The following SPAG16 variants were observed in gnomAD, a reference collection of about 807,000 sequenced individuals.
SPAG16 encodes sperm associated antigen 16.
In SPAG16, 86 loss-of-function variants were observed where a neutral mutation model predicts 80.4. The ratio of observed to expected loss-of-function variants is 1.07; its 90% CI spans 0.90 to 1.28. The LOEUF is 1.28. Among genes scored for constraint, SPAG16 ranks in the 50% most tolerant of loss-of-function variants. The pLI, the probability that SPAG16 is intolerant of heterozygous loss-of-function variation, is 0.00. For synonymous variants in SPAG16, 294 were observed against 265.9 expected (o/e 1.11, Z -1.03); for missense variants, 870 against 765.3 (o/e 1.14, Z -1.61).
chr2:213,957,840 C>T (rs1218073308), intron 12 of SPAG16, among the ~76,000 whole-genome samples: 2 of 152,108 alleles, frequency 1.3e-5, no homozygotes, highest in African/African-American at 4.8e-5. Context: ...ACCAGCTTAA[C>T]TTCTGTTGTG....
intron 10 of SPAG16, among the ~76,000 whole-genome samples, chr2:213,682,311 C>G (rs758539425): frequency 2.0e-5 from 3 of 152,166 alleles, no homozygotes; most frequent in Non-Finnish European, 4.4e-5. Context: ...CAGATCATAA[C>G]CCCCTGGAGG....
At chr2:213,473,397 T>C (rs2073192171) in intron 9 of SPAG16, among the ~76,000 whole-genome samples, 1 of 152,166 alleles carries the variant, frequency 6.6e-6, no homozygotes, top group African/African-American at 2.4e-5. Flanking sequence ...AGAAGAGCAA[T>C]TACAGGGCTC....
At chr2:213,834,056 T>G (rs1049971552) in intron 10 of SPAG16, among the ~76,000 whole-genome samples, 1 of 152,118 alleles carries the variant, frequency 6.6e-6, no homozygotes, top group Non-Finnish European at 1.5e-5. Flanking sequence ...TGAATAAGTC[T>G]CATGAGCTCT....
chr2:213,691,835 A>G (rs1263887611), intron 10 of SPAG16, among the ~76,000 whole-genome samples: 15 of 152,234 alleles, frequency 9.9e-5, no homozygotes, highest in Admixed American at 9.8e-4. Context: ...GCTCTCTGAT[A>G]TATCTCAGTT....
At chr2:213,469,847 G>T (rs778406907) in intron 9 of SPAG16, among the ~76,000 whole-genome samples, 4 of 152,094 alleles carry the variant, frequency 2.6e-5, no homozygotes, top group Non-Finnish European at 5.9e-5. Flanking sequence ...TTAACCTGTT[G>T]TCTTAAAGGT....
intron 9 of SPAG16, among the ~76,000 whole-genome samples, chr2:213,446,274 G>T (rs544687710): frequency 6.6e-6 from 1 of 152,330 alleles, no homozygotes; most frequent in South Asian, 2.1e-4. Flanking sequence ...ACAGACATTG[G>T]TTCAGAATCT....
At chr2:213,462,604 A>C (rs1242753538) in intron 9 of SPAG16, among the ~76,000 whole-genome samples, 1 of 152,084 alleles carries the variant, frequency 6.6e-6, no homozygotes, top group Non-Finnish European at 1.5e-5. Context: ...CTTAATAGTG[A>C]GTCTCACGAG....
At chr2:214,035,052 C>T (rs1035339093) in intron 13 of SPAG16, among the ~76,000 whole-genome samples, 6 of 152,110 alleles carry the variant, frequency 3.9e-5, no homozygotes, top group Admixed American at 6.5e-5. Context: ...AGAGGAGACA[C>T]GCAGTGGATA....
chr2:213,292,092 C>A (rs1377651111), intron 1 of SPAG16, among the ~76,000 whole-genome samples: 1 of 152,042 alleles, frequency 6.6e-6, no homozygotes, highest in East Asian at 1.9e-4. Context: ...TTTTTTTCTA[C>A]TCTATATTGC....
chr2:214,009,553 T>C (rs1443031967), intron 12 of SPAG16, among the ~76,000 whole-genome samples: 1 of 152,174 alleles, frequency 6.6e-6, no homozygotes, highest in Non-Finnish European at 1.5e-5. Context: ...AAGCCATTTT[T>C]ATTGTTAGAT....
chr2:214,108,341 A>G lies in SPAG16; in HGVS notation c.1593+80A>G, dbSNP rs1284498492. 14 of 1,203,926 alleles carry G rather than the reference A, an allele frequency of 1.2e-5. No homozygotes were observed. In the Middle Eastern group the frequency reaches 2.0e-3, roughly 169 times the overall value. The allele number at this position is 1,203,926 out of a possible 1,614,324, so 74.6% of individuals were successfully genotyped here. Reference sequence around the variant, plus strand: ...TTTTTATAAAACAAATTTCCAAGCTAAAATGGTAAGTTAATGAGGTGAGAA... The same window carrying G: ...TTTTTATAAAACAAATTTCCAAGCTGAAATGGTAAGTTAATGAGGTGAGAA... On this transcript the variant is annotated intron_variant, in intron 14 of 15. Transcript: ENST00000331683.
At chr2:213,853,877 T>C (rs6740147) in intron 10 of SPAG16, among the ~76,000 whole-genome samples, 53,726 of 152,016 alleles carry the variant, frequency 0.35, 9,808 homozygotes, top group South Asian at 0.47. Context: ...GACCTATTTG[T>C]GGACAAAGCT....
At chr2:214,361,186 A>G (rs1699158413) in intron 15 of SPAG16, among the ~76,000 whole-genome samples, 1 of 151,850 alleles carries the variant, frequency 6.6e-6, no homozygotes, top group Non-Finnish European at 1.5e-5. Context: ...GAAGTCCAAA[A>G]TGGCATATAT....
At chr2:213,541,939 TA>T (rs2076461984) in intron 10 of SPAG16, among the ~76,000 whole-genome samples, 1 of 152,210 alleles carries the variant, frequency 6.6e-6, no homozygotes, top group Non-Finnish European at 1.5e-5. Context: ...ATACCAACTT[TA>T]TGGTTACCAT....
chr2:213,863,919 G>T (rs55886363), intron 11 of SPAG16, among the ~76,000 whole-genome samples: 52,214 of 151,740 alleles, frequency 0.34, 9,447 homozygotes, highest in South Asian at 0.47. Flanking sequence ...ACTTTCTTAC[G>T]GCAGAATTGT....
At chr2:214,165,407 T>C (rs975268656) in intron 15 of SPAG16, among the ~76,000 whole-genome samples, 5 of 150,914 alleles carry the variant, frequency 3.3e-5, no homozygotes, top group African/African-American at 1.2e-4. Flanking sequence ...TTCTAATGCT[T>C]AGTCCTGTTG....
chr2:213,292,338 A>G (rs2062309181), intron 1 of SPAG16, among the ~76,000 whole-genome samples: 1 of 152,192 alleles, frequency 6.6e-6, no homozygotes, highest in South Asian at 2.1e-4. Context: ...GACTTCCTCT[A>G]GCTGAACCTT....
chr2:213,830,339 G>A (rs974227052), intron 10 of SPAG16, among the ~76,000 whole-genome samples: 1 of 152,144 alleles, frequency 6.6e-6, no homozygotes, highest in Non-Finnish European at 1.5e-5. Context: ...CTCTATCTGG[G>A]TCACTCATTC....
intron 5 of SPAG16, among the ~76,000 whole-genome samples, chr2:213,339,553 T>TA (rs1639166640): frequency 6.6e-6 from 1 of 152,212 alleles, no homozygotes; most frequent in Non-Finnish European, 1.5e-5. Flanking sequence ...TTGCAGAAGA[T>TA]ATATCAAGTT....
Sources: allele counts gnomAD v4.1 joint callset (sites outside exome capture counted in the v4.1 genomes callset), GRCh38; gene constraint gnomAD v4.1.1; transcripts MANE v1.5; gene names NCBI Gene and HGNC (gene_info 2026-07-23, HGNC 2026-07-21).